The following ZBTB37 variants were observed in gnomAD, a reference collection of about 807,000 sequenced individuals.
ZBTB37 encodes the protein zinc finger and BTB domain containing 37.
In ZBTB37, 15 loss-of-function variants were observed where a neutral mutation model predicts 37.7. The ratio of observed to expected loss-of-function variants is 0.40; its 90% CI spans 0.27 to 0.61. The LOEUF is 0.61. Ranked by LOEUF, ZBTB37 falls within the 20% of genes least tolerant of loss-of-function variation. The pLI is 0.44. For synonymous variants in ZBTB37, 231 were observed against 220.6 expected (o/e 1.05, Z -0.42); for missense variants, 514 against 641.9 (o/e 0.80, Z 2.15).
At position 173,869,132 on chromosome 1, in the gene ZBTB37, T is replaced by C. The variant is rs907156030; in HGVS notation, c.-30+12T>C. Reference sequence around the variant, plus strand: ...CGCTTTGGAAAAAGGTCAGATTGGCTAAAGTTGATTGTTGAAAACAGTGTA... The same window carrying C: ...CGCTTTGGAAAAAGGTCAGATTGGCCAAAGTTGATTGTTGAAAACAGTGTA... On this transcript the variant is annotated intron_variant, in intron 2 of 4. Transcript: ENST00000427304. The C allele has an allele frequency of 1.3e-5, 2 of 152,606 alleles. No individual in the cohort carries two copies. The highest frequency in any genetic ancestry group is 4.8e-5 in the African/African-American group (2 of 41,456). 9.5% of individuals were successfully genotyped at this position (152,606 alleles called of 1,614,324 possible). A position where few individuals can be genotyped will look rare whatever the true frequency, so the allele number is the denominator to read the frequency against.
chr1:173,900,657 G>A (rs1354005782), exon 4 of ZBTB37: 1 of 152,246 alleles, frequency 6.6e-6, no homozygotes, highest in Non-Finnish European at 1.5e-5. Flanking sequence ...AGGAGAAAAA[G>A]TAGGTCAAGG....
At chr1:173,873,315 T>G in intron 3 of ZBTB37, 152 bp from the exon 4 acceptor site, 1 of 654,048 alleles carries the variant, frequency 1.5e-6, no homozygotes, top group Non-Finnish European at 2.4e-6. Flanking sequence ...AATCAGATTA[T>G]GTATTAACTC....
chr1:173,870,336 T>C (rs765837583), exon 3 of ZBTB37: 7 of 1,614,208 alleles, frequency 4.3e-6, no homozygotes, highest in Non-Finnish European at 5.9e-6. Context: ...TTGTGGTCAA[T>C]GTGCAAGGAC....
chr1:173,898,643 T>A (rs1657147202), exon 4 of ZBTB37: 1 of 152,168 alleles, frequency 6.6e-6, no homozygotes, highest in Admixed American at 6.5e-5. Flanking sequence ...GTCATAATAG[T>A]CATGATGTCC....
chr1:173,897,361 T>C (rs1410374329), exon 4 of ZBTB37: 2 of 152,226 alleles, frequency 1.3e-5, no homozygotes, highest in African/African-American at 2.4e-5. Flanking sequence ...TATAACACAA[T>C]GCACCCACTT....
chr1:173,868,342 G>A (rs1400166458), upstream of ZBTB37: 1 of 153,160 alleles, frequency 6.5e-6, no homozygotes, highest in Non-Finnish European at 1.5e-5. Context: ...CCGTGGGAGG[G>A]GGTGGGGGAT....
intron 3 of ZBTB37, 48 bp downstream of exon 3, chr1:173,871,196 A>T (rs899307078): frequency 1.3e-6 from 2 of 1,498,426 alleles, no homozygotes; most frequent in Non-Finnish European, 1.8e-6. Flanking sequence ...TATTGTGTAG[A>T]CATCACTAAA....
At chr1:173,875,116 A>ATGTGTGTGTG (rs71111072) in intron 4 of ZBTB37, among the ~76,000 whole-genome samples, 3 of 137,052 alleles carry the variant, frequency 2.2e-5, no homozygotes, top group Non-Finnish European at 3.1e-5. Context: ...TCTGATTATT[A>ATGTGTGTGTG]TGTGTGTGTG....
exon 4 of ZBTB37, chr1:173,902,234 C>G (rs1243092600): frequency 1.3e-5 from 2 of 152,236 alleles, no homozygotes; most frequent in African/African-American, 4.8e-5. Context: ...CAAGGATCAA[C>G]TATGCCCACC....
downstream of ZBTB37, chr1:173,890,438 T>G (rs777972809): frequency 1.3e-5 from 2 of 152,328 alleles, no homozygotes; most frequent in African/African-American, 4.8e-5. Context: ...GCATGATTTT[T>G]TTCTCTTCCT....
In ZBTB37 at chr1:173,880,110, C is replaced by T. The variant is rs1446820342; in HGVS notation, c.1024-5526C>T. 2.0e-5 allele frequency among the ~76,000 whole-genome samples: 3 copies of T among 152,322 alleles called. No individual in the cohort carries two copies. The South Asian group carries it at 6.2e-4, about 32-fold the overall frequency. ...ACAGGAACACAGGATCAGGCACACA[C>T]TACCCAAGTGCATTTTATTGCATTT... On this transcript the variant is annotated intron_variant, in intron 4 of 4. Transcript: ENST00000427304.
exon 4 of ZBTB37, chr1:173,902,452 G>A (rs888218408): frequency 6.6e-6 from 1 of 152,210 alleles, no homozygotes; most frequent in Non-Finnish European, 1.5e-5. Context: ...TAATGTTTGA[G>A]ATTTGTGTCT....
At chr1:173,874,131 C>A (rs959176327) in intron 4 of ZBTB37, among the ~76,000 whole-genome samples, 1 of 151,406 alleles carries the variant, frequency 6.6e-6, no homozygotes, top group Non-Finnish European at 1.5e-5. Context: ...GGCACGTGCC[C>A]GTGATCCCAA....
At chr1:173,869,344 C>CT in intron 2 of ZBTB37, among the ~76,000 whole-genome samples, 1 of 128,648 alleles carries the variant, frequency 7.8e-6, no homozygotes, top group African/African-American at 5.0e-5. Context: ...TGAAACTGTA[C>CT]TTTCAACTAT....
chr1:173,888,815 AG>A, downstream of ZBTB37: 1 of 152,338 alleles, frequency 6.6e-6, no homozygotes, highest in African/African-American at 2.4e-5. Context: ...CAAATTTTAA[AG>A]GTGAAGTGCA....
intron 4 of ZBTB37, among the ~76,000 whole-genome samples, chr1:173,884,361 T>C (rs1474201868): frequency 6.6e-6 from 1 of 152,114 alleles, no homozygotes; most frequent in African/African-American, 2.4e-5. Flanking sequence ...TCTTGCTATA[T>C]TGCCCAGGCT....
chr1:173,873,784 C>T (rs1183894206), intron 4 of ZBTB37: 4 of 631,952 alleles, frequency 6.3e-6, no homozygotes, highest in Non-Finnish European at 7.2e-6. Flanking sequence ...TTCTACCAAG[C>T]ATAGATGCAA....
chr1:173,900,685 A>G (rs1304319211), exon 4 of ZBTB37: 7 of 152,250 alleles, frequency 4.6e-5, no homozygotes, highest in South Asian at 2.1e-4. Flanking sequence ...TGGTTAGTGC[A>G]GAGGACTGAC....
intron 4 of ZBTB37, among the ~76,000 whole-genome samples, chr1:173,882,079 C>A (rs185886820): frequency 3.3e-5 from 5 of 151,696 alleles, no homozygotes; most frequent in Admixed American, 6.6e-5. Flanking sequence ...AGTATCTATT[C>A]ATATCCTTTG....
Sources: allele counts gnomAD v4.1 joint callset (sites outside exome capture counted in the v4.1 genomes callset), GRCh38; gene constraint gnomAD v4.1.1; transcripts MANE v1.5; gene names NCBI Gene and HGNC (gene_info 2026-07-23, HGNC 2026-07-21).